The following HECA variants were observed in gnomAD, a reference collection of about 807,000 sequenced individuals.
HECA encodes the protein HECA ribonucleoprotein granule regulator.
In HECA, 13 loss-of-function variants were observed where a neutral mutation model predicts 37.6. The ratio of observed to expected loss-of-function variants is 0.35; its 90% confidence interval spans 0.23 to 0.55. The LOEUF (loss-of-function observed/expected upper bound fraction) is 0.55, where lower values mean the gene tolerates loss of function less well. HECA is among the 20% of genes least tolerant of loss of function. The pLI is 0.90. For missense variants in HECA, 527 were observed against 701.9 expected, an observed-to-expected ratio of 0.75 and a Z score of 2.82; for synonymous variants, 307 against 291.5, an observed-to-expected ratio of 1.05 and a Z score of -0.54.
At chr6:139,151,433 T>C (rs1352243240) in intron 1 of HECA, among the ~76,000 whole-genome samples, 1 of 149,360 alleles carries the variant, frequency 6.7e-6, no homozygotes, top group African/African-American at 2.5e-5. Context: ...TCCGTTTAAC[T>C]AAACAGAATG....
rs1209493606 is a variant in HECA, at chr6:139,176,675, CTTATTG to C, written c.1468-262_1468-257del. Reference sequence around the variant, plus strand: ...TCTTAAAATCCAGGGGGAGGGGTTTCTTATTGTTAGGGAACTTCAGTGGAGAGCATT... The same window carrying C: ...TCTTAAAATCCAGGGGGAGGGGTTTCTTAGGGAACTTCAGTGGAGAGCATT... On this transcript the variant is annotated intron_variant, in intron 3 of 3. Coordinates refer to ENST00000367658, the MANE Select transcript of HECA (RefSeq NM_016217.3). This position sits in a 1 kb window ranked among gnomAD's most constrained non-coding sequence, Gnocchi z 4.5. Among the ~76,000 whole-genome samples the C allele has an allele frequency of 3.9e-5, 6 of 152,048 alleles. No homozygotes were observed.
chr6:139,145,155 T>A (rs887654202), intron 1 of HECA, among the ~76,000 whole-genome samples: 25 of 152,268 alleles, frequency 1.6e-4, no homozygotes, highest in Admixed American at 5.9e-4. Context: ...AATGCTATTT[T>A]GTACAGAGTG....
intron 1 of HECA, among the ~76,000 whole-genome samples, 188 bp downstream of exon 1, chr6:139,135,855 C>T (rs2114427051): frequency 6.6e-6 from 1 of 151,746 alleles, no homozygotes; most frequent in South Asian, 2.1e-4. Context: ...AGATCTGCGG[C>T]CCCTGCCCGG....
intron 1 of HECA, among the ~76,000 whole-genome samples, chr6:139,163,996 TC>T (rs1423626253): frequency 6.6e-6 from 1 of 152,112 alleles, no homozygotes. Context: ...TAAGTCTTTT[TC>T]CATCTTCCCT....
At chr6:139,149,238 C>G (rs1293333303) in intron 1 of HECA, among the ~76,000 whole-genome samples, 1 of 152,084 alleles carries the variant, frequency 6.6e-6, no homozygotes, top group Non-Finnish European at 1.5e-5. Context: ...GAAGAGGTTT[C>G]CAAACTCATT....
chr6:139,177,491 A>G lies in HECA; in HGVS notation c.*386A>G, dbSNP rs3777670. 0.028 allele frequency: 4,480 copies of G among 159,962 alleles called. 82 individuals carry two copies. The highest frequency in any genetic ancestry group is 0.054 in the East Asian group (299 of 5,578). 9.9% of individuals were successfully genotyped at this position (159,962 alleles called of 1,614,324 possible). Reference sequence around the variant, plus strand: ...TAACTTTCTAAAAACCTTCTTTTAGATCTTCCTTGGGCCTTTGGAAAAATA... The same window carrying G: ...TAACTTTCTAAAAACCTTCTTTTAGGTCTTCCTTGGGCCTTTGGAAAAATA... On this transcript the variant is annotated 3_prime_UTR_variant, in exon 4 of 4. Coordinates refer to ENST00000367658, the MANE Select transcript of HECA (RefSeq NM_016217.3). This position sits in a 1 kb window ranked among gnomAD's most constrained non-coding sequence, Gnocchi z 4.9.
Position 139,135,351 on chromosome 6 carries a change from C to A in HECA, c.-46C>A. The A allele has an allele frequency of 7.8e-7, 1 of 1,282,524 alleles. No homozygotes were observed. Among genetic ancestry groups the A allele is most frequent in the Non-Finnish European group, 1.0e-6 (1 of 987,296 alleles). 79.4% of individuals were successfully genotyped at this position (1,282,524 alleles called of 1,614,324 possible). A position where few individuals can be genotyped will look rare whatever the true frequency, so the allele number is the denominator to read the frequency against. The stretch of plus-strand genomic sequence containing the variant: ...CCGGGAACGGCCGTGCCTCTGGGAT[C>A]CGCCTTCGCTGACGCCGGGCACCTA... On this transcript the variant is annotated 5_prime_UTR_variant, in exon 1 of 4. Transcript: ENST00000367658.
chr6:139,170,049 T>C (rs963440283), intron 2 of HECA: 4 of 152,234 alleles, frequency 2.6e-5, no homozygotes, highest in Non-Finnish European at 4.4e-5. Context: ...AGGGTTGAAA[T>C]AACCTCATTG....
intron 2 of HECA, among the ~76,000 whole-genome samples, chr6:139,171,788 G>A (rs919750630): frequency 6.6e-5 from 10 of 151,498 alleles, no homozygotes; most frequent in African/African-American, 2.2e-4. Context: ...CACCACACTC[G>A]GCTTATTTAA....
intron 2 of HECA, among the ~76,000 whole-genome samples, chr6:139,172,721 A>G (rs1774992270): frequency 1.3e-5 from 2 of 152,320 alleles, no homozygotes; most frequent in South Asian, 4.1e-4. Flanking sequence ...TACGGATCCG[A>G]GAGACATGAA....
At chr6:139,154,157 T>C (rs777382244) in intron 1 of HECA, among the ~76,000 whole-genome samples, 1 of 152,248 alleles carries the variant, frequency 6.6e-6, no homozygotes, top group East Asian at 1.9e-4. Flanking sequence ...ATAGTTGTTA[T>C]ACTGTATTTA....
At chr6:139,167,403 G>A in intron 2 of HECA, 79 bp downstream of exon 2, 2 of 1,226,166 alleles carry the variant, frequency 1.6e-6, no homozygotes, top group Non-Finnish European at 2.3e-6. Context: ...CTCTATTTTG[G>A]TGTAGTTTTC....
chr6:139,144,762 C>T (rs188662863), intron 1 of HECA: 1 of 152,348 alleles, frequency 6.6e-6, no homozygotes, highest in Non-Finnish European at 1.5e-5. Flanking sequence ...CTGCCATGGA[C>T]CCTCAATTGT....
chr6:139,155,381 T>G (rs1774699270), intron 1 of HECA, among the ~76,000 whole-genome samples: 1 of 152,168 alleles, frequency 6.6e-6, no homozygotes, highest in South Asian at 2.1e-4. Flanking sequence ...GACATTACAT[T>G]ACTGTAGACT....
Position 139,167,085 on chromosome 6 carries a change from G to A in HECA, c.1073G>A (p.Arg358Lys), listed in dbSNP as rs776829499. The change falls in exon 2 of 4, where the codon AGG becomes AAG. Residue 358 changes from arginine to lysine, a missense_variant. Arg to Lys is a conservative substitution (Grantham distance 26). Coordinates refer to ENST00000367658, the MANE Select transcript of HECA (RefSeq NM_016217.3). ...DLSELLTHIP[R>K]HKLNTFHVRM... ...TCCGAACTCCTCACTCACATCCCCA[G>A]GCATAAGCTGAACACTTTCCACGTG... The A allele has an allele frequency of 1.2e-6, 2 of 1,614,204 alleles. No individual in the cohort carries two copies. The highest frequency in any genetic ancestry group is 2.2e-5 in the East Asian group (1 of 44,870).
chr6:139,152,779 A>G (rs1212683598), intron 1 of HECA, among the ~76,000 whole-genome samples: 1 of 152,218 alleles, frequency 6.6e-6, no homozygotes, highest in African/African-American at 2.4e-5. Flanking sequence ...ATATTTGAGG[A>G]AATTTATATT....
intron 1 of HECA, among the ~76,000 whole-genome samples, chr6:139,140,506 G>T (rs1016501421): frequency 6.6e-6 from 1 of 152,182 alleles, no homozygotes; most frequent in Admixed American, 6.5e-5. Flanking sequence ...TGCTCTATGC[G>T]CAGTCTCGTC....
chr6:139,162,988 C>T (rs962313451), intron 1 of HECA, among the ~76,000 whole-genome samples: 2 of 152,236 alleles, frequency 1.3e-5, no homozygotes, highest in Non-Finnish European at 2.9e-5. Context: ...CCTGGAGTCT[C>T]CCTGTTTCTG....
intron 1 of HECA, among the ~76,000 whole-genome samples, chr6:139,137,531 A>G (rs989161868): frequency 6.6e-6 from 1 of 152,088 alleles, no homozygotes; most frequent in Admixed American, 6.5e-5. Context: ...ATACTAAGGG[A>G]TCCAGCGGTA....
Sources: gnomAD v4.1 joint callset for allele counts (sites outside exome capture counted in the v4.1 genomes callset) on GRCh38, gnomAD v4.1.1 for gene constraint, Gnocchi (gnomAD v3.1) non-coding constraint, MANE v1.5 for transcripts, NCBI Gene and HGNC (gene_info 2026-07-23, HGNC 2026-07-21) for gene names.